Variants in NEK7 observed in about 807,000 individuals in gnomAD.
The protein encoded by NEK7 is serine/threonine-protein kinase Nek7.
A neutral mutation model predicts 44.6 loss-of-function variants in NEK7; 18 were observed. The ratio of observed to expected loss-of-function variants is 0.40; its 90% confidence interval spans 0.28 to 0.60. The LOEUF is 0.60. Ranked by LOEUF, NEK7 falls within the 20% of genes least tolerant of loss-of-function variation. The pLI is 0.38. For missense variants in NEK7, 256 were observed against 366.5 expected (o/e 0.70, Z 2.46); for synonymous variants, 130 against 121.1 (o/e 1.07, Z -0.48).
At chr1:198,308,614 T>C (rs772131574) in intron 9 of NEK7, among the ~76,000 whole-genome samples, 4 of 152,356 alleles carry the variant, frequency 2.6e-5, no homozygotes, top group African/African-American at 7.2e-5. Context: ...CAAGAAAATA[T>C]GTGCTGAAGC....
At chr1:198,246,634 A>T (rs1666843870) in intron 2 of NEK7, among the ~76,000 whole-genome samples, 1 of 152,276 alleles carries the variant, frequency 6.6e-6, no homozygotes. Flanking sequence ...GTCATTGCAT[A>T]TGTAAATGTG....
At chr1:198,194,176 C>A (rs564476546) in intron 1 of NEK7, among the ~76,000 whole-genome samples, 1 of 151,940 alleles carries the variant, frequency 6.6e-6, no homozygotes, top group Non-Finnish European at 1.5e-5. Context: ...ATTGGAAATC[C>A]GGATGGAGAT....
chr1:198,214,666 C>T (rs938777978), intron 1 of NEK7, among the ~76,000 whole-genome samples: 3 of 152,042 alleles, frequency 2.0e-5, no homozygotes, highest in African/African-American at 7.2e-5. Flanking sequence ...ACAAAGTCTC[C>T]AAGAAGTATG....
chr1:198,176,690 C>G (rs1233942394), intron 1 of NEK7, among the ~76,000 whole-genome samples: 2 of 151,806 alleles, frequency 1.3e-5, no homozygotes, highest in Non-Finnish European at 2.9e-5. Flanking sequence ...TCATGAGGGT[C>G]TGGGATAAAC....
chr1:198,191,009 C>T (rs1237367817), intron 1 of NEK7, among the ~76,000 whole-genome samples: 1 of 151,934 alleles, frequency 6.6e-6, no homozygotes, highest in Non-Finnish European at 1.5e-5. Flanking sequence ...TGTTTTGAAA[C>T]AAGTAGTAAC....
intron 5 of NEK7, 175 bp from the exon 6 acceptor site, chr1:198,277,786 A>C (rs749699963): frequency 2.0e-5 from 11 of 542,160 alleles, no homozygotes; most frequent in Non-Finnish European, 2.6e-5. Flanking sequence ...AAAAAAACTT[A>C]AGCCATTATG....
At chr1:198,177,312 C>A (rs1664631472) in intron 1 of NEK7, among the ~76,000 whole-genome samples, 1 of 152,064 alleles carries the variant, frequency 6.6e-6, no homozygotes, top group Non-Finnish European at 1.5e-5. Flanking sequence ...AAAGTGTTCT[C>A]TTCAGTATCA....
chr1:198,314,106 A>G (rs1655277075), intron 9 of NEK7, among the ~76,000 whole-genome samples: 2 of 152,182 alleles, frequency 1.3e-5, no homozygotes, highest in African/African-American at 4.8e-5. Flanking sequence ...ACATAGTCCC[A>G]TATTTCTTGG....
chr1:198,193,184 A>G (rs1665129626), intron 1 of NEK7, among the ~76,000 whole-genome samples: 1 of 152,218 alleles, frequency 6.6e-6, no homozygotes, highest in African/African-American at 2.4e-5. Flanking sequence ...AAACACCTCT[A>G]TGCACATAAA....
chr1:198,315,167 C>T (rs1391056212), intron 9 of NEK7, among the ~76,000 whole-genome samples: 3 of 152,180 alleles, frequency 2.0e-5, no homozygotes, highest in African/African-American at 7.2e-5. Context: ...GTCGGAAAAG[C>T]GCAGTATTCA....
At chr1:198,258,616 A>G (rs1051192361) in intron 3 of NEK7, among the ~76,000 whole-genome samples, 7 of 152,180 alleles carry the variant, frequency 4.6e-5, no homozygotes, top group African/African-American at 1.4e-4. Context: ...TAACCTTTTC[A>G]GTTTCATTAG....
intron 3 of NEK7, among the ~76,000 whole-genome samples, chr1:198,256,091 T>C (rs1168655715): frequency 1.3e-5 from 2 of 152,198 alleles, no homozygotes; most frequent in Non-Finnish European, 2.9e-5. Context: ...CTATATTACT[T>C]GTCTCAAGAA....
chr1:198,229,005 C>T (rs1265542434), intron 1 of NEK7, among the ~76,000 whole-genome samples: 5 of 152,096 alleles, frequency 3.3e-5, no homozygotes, highest in Non-Finnish European at 5.9e-5. Flanking sequence ...GGTCTTAACA[C>T]CATTTCAGAA....
rs140292128 is a variant in NEK7 at position 198,222,977 on chromosome 1, T to C, written c.-28-9576T>C. On this transcript the variant is annotated intron_variant, in intron 1 of 9. Transcript: ENST00000367385. ...ATTCGGGAATTCTGGGCCTAGAGGATAGCAAATACAAAGGCCTGATGCCAG... is the reference window on the plus strand; with the variant it reads ...ATTCGGGAATTCTGGGCCTAGAGGACAGCAAATACAAAGGCCTGATGCCAG... Among the ~76,000 whole-genome samples the C allele has an allele frequency of 5.1e-3, 772 of 152,112 alleles. 10 individuals are homozygous for C. The highest frequency in any genetic ancestry group is 0.018 in the African/African-American group (740 of 41,498).
intron 8 of NEK7, among the ~76,000 whole-genome samples, chr1:198,294,005 T>G (rs947185069): frequency 6.6e-6 from 1 of 151,950 alleles, no homozygotes; most frequent in African/African-American, 2.4e-5. Context: ...TCTATTTTAA[T>G]TGTACCACCA....
intron 9 of NEK7, among the ~76,000 whole-genome samples, chr1:198,318,871 A>T (rs1655452527): frequency 1.3e-5 from 2 of 152,120 alleles, no homozygotes. Context: ...AATAACACTT[A>T]TAACTTCCCA....
intron 2 of NEK7, among the ~76,000 whole-genome samples, chr1:198,237,190 G>C (rs894711648): frequency 1.3e-5 from 2 of 152,086 alleles, no homozygotes; most frequent in African/African-American, 2.4e-5. Flanking sequence ...CTTCTGAGAA[G>C]GTGACACTTA....
At position 198,196,280 on chromosome 1, in the gene NEK7, T is replaced by C. The variant is rs116005167; in HGVS notation, c.-28-36273T>C. On this transcript the variant is annotated intron_variant, in intron 1 of 9. Transcript: ENST00000367385. ...GTGCAGCAACCAAGTAAAAGATGCA[T>C]GAGAACAGAGTTCTCAGGTGACTTC... 5.4e-3 allele frequency among the ~76,000 whole-genome samples: 816 copies of C among 152,370 alleles called. 9 individuals are homozygous for C. The highest frequency in any genetic ancestry group is 0.013 in the Admixed American group (205 of 15,312).
At chr1:198,253,894 C>G (rs1653163752) in intron 3 of NEK7, among the ~76,000 whole-genome samples, 1 of 152,150 alleles carries the variant, frequency 6.6e-6, no homozygotes, top group South Asian at 2.1e-4. Flanking sequence ...CTAGAAAGTA[C>G]TTGTCTTTCT....
Sources: gnomAD v4.1 joint callset for allele counts (sites outside exome capture counted in the v4.1 genomes callset) on GRCh38, gnomAD v4.1.1 for gene constraint, MANE v1.5 for transcripts, NCBI Gene and HGNC (gene_info 2026-07-23, HGNC 2026-07-21) for gene names.